The following VCAN variants were observed in gnomAD, a reference collection of about 807,000 sequenced individuals.
VCAN encodes versican core protein.
Under a neutral mutation model 245.5 loss-of-function variants are expected in VCAN, and 44 were observed. The ratio of observed to expected loss-of-function variants is 0.18; its 90% CI spans 0.14 to 0.23. VCAN has a LOEUF of 0.23. Ranked by LOEUF, VCAN falls within the 10% of genes least tolerant of loss-of-function variation. VCAN has a pLI of 1.00. For missense variants in VCAN, 3,793 were observed against 4,057.9 expected (o/e 0.93, Z 1.77); for synonymous variants, 1,413 against 1,437.0 (o/e 0.98, Z 0.38).
intron 1 of VCAN, among the ~76,000 whole-genome samples, chr5:83,477,018 T>G (rs1053665628): frequency 6.6e-6 from 1 of 152,190 alleles, no homozygotes; most frequent in African/African-American, 2.4e-5. Flanking sequence ...TTGATATTAC[T>G]TGAGGTATAG....
intron 13 of VCAN, among the ~76,000 whole-genome samples, chr5:83,575,941 C>A (rs1283676990): frequency 6.6e-6 from 1 of 152,096 alleles, no homozygotes; most frequent in Non-Finnish European, 1.5e-5. Flanking sequence ...GCAGTCAATT[C>A]TTTACTAATC....
intron 12 of VCAN, chr5:83,561,982 A>T (rs981605294): frequency 6.6e-6 from 1 of 152,158 alleles, no homozygotes; most frequent in African/African-American, 2.4e-5. Context: ...CAGAAAAACA[A>T]TGCAAAACAC....
chr5:83,543,389 T>G (rs1404966102), intron 8 of VCAN, among the ~76,000 whole-genome samples: 1 of 152,230 alleles, frequency 6.6e-6, no homozygotes, highest in East Asian at 1.9e-4. Context: ...GAATATATGT[T>G]TTATTTTAAT....
intron 1 of VCAN, among the ~76,000 whole-genome samples, chr5:83,474,049 C>T (rs1464637269): frequency 6.6e-6 from 1 of 152,104 alleles, no homozygotes; most frequent in Non-Finnish European, 1.5e-5. Flanking sequence ...CCCTGGGCGT[C>T]TTTAAGAAAG....
rs1399801991 is a variant in VCAN, at chr5:83,539,248, G to A, written c.6245G>A (p.Gly2082Asp). 1.7e-5 allele frequency: 28 copies of A among 1,613,862 alleles called. No homozygotes were observed. Among genetic ancestry groups the A allele is most frequent in the Non-Finnish European group, 2.4e-5 (28 of 1,179,968 alleles). ...PVEKEEVKVS[G>D]TVSTNFPQTI... ...GAGAAGGAGGAAGTAAAGGTCAGTG[G>A]CACAGTTTCAACAAACTTTCCCCAA... The change falls in exon 8 of 15, where the codon GGC (glycine) becomes GAC (aspartate). Residue 2082 changes from glycine to aspartate, a missense_variant. Physicochemically the swap from Gly to Asp is moderately conservative, Grantham distance 94. Coordinates refer to ENST00000265077, the MANE Select transcript of VCAN (RefSeq NM_004385.5).
intron 5 of VCAN, among the ~76,000 whole-genome samples, chr5:83,510,287 C>T (rs192759784): frequency 1.7e-4 from 26 of 152,258 alleles, no homozygotes; most frequent in South Asian, 1.0e-3. Flanking sequence ...TGAGAAAAGC[C>T]GATATGTGTG....
chr5:83,475,183 C>A (rs1744343035), intron 1 of VCAN, among the ~76,000 whole-genome samples: 1 of 152,144 alleles, frequency 6.6e-6, no homozygotes, highest in African/African-American at 2.4e-5. Flanking sequence ...TCCTGTGCCT[C>A]AATGAGGAAC....
At chr5:83,530,640 A>G (rs1351372000) in intron 7 of VCAN, among the ~76,000 whole-genome samples, 1 of 152,180 alleles carries the variant, frequency 6.6e-6, no homozygotes, top group East Asian at 1.9e-4. Context: ...AAAATGTATA[A>G]CATTACTTTT....
At chr5:83,497,777 G>T (rs1745205858) in intron 5 of VCAN, among the ~76,000 whole-genome samples, 2 of 152,238 alleles carry the variant, frequency 1.3e-5, no homozygotes, top group East Asian at 3.9e-4. Flanking sequence ...ATTAGGTAAA[G>T]GATCGGAATT....
Position 83,519,694 on chromosome 5 carries a change from C to A in VCAN, c.1388C>A (p.Thr463Lys), listed in dbSNP as rs1396038501. The change falls in exon 7 of 15, where the codon ACA (threonine) becomes AAA (lysine). Residue 463 changes from threonine (T) to lysine (K), a missense_variant. Coordinates refer to ENST00000265077, the MANE Select transcript of VCAN (RefSeq NM_004385.5). ...ATTAAGGAAGAAGTGCTCCAGAGTA[C>A]AACTGGCGTCTCTCATTATGCTACG... The part of the protein sequence containing the change: ...SEIKEEVLQS[T>K]TGVSHYATDS... The A allele has an allele frequency of 2.5e-6, 4 of 1,614,006 alleles. No homozygotes were observed. The highest frequency in any genetic ancestry group is 3.4e-6 in the Non-Finnish European group (4 of 1,179,992).
chr5:83,498,783 C>T (rs1745242618), intron 5 of VCAN, among the ~76,000 whole-genome samples: 1 of 152,148 alleles, frequency 6.6e-6, no homozygotes, highest in Non-Finnish European at 1.5e-5. Context: ...TTTTGGTTGT[C>T]ACAAATAGTC....
At chr5:83,562,661 CAAA>C (rs4033003) in intron 12 of VCAN, among the ~76,000 whole-genome samples, 32 of 149,496 alleles carry the variant, frequency 2.1e-4, no homozygotes, top group East Asian at 3.9e-4. Context: ...TGGAAAAGGC[CAAA>C]AAAAAAAAAT....
chr5:83,575,392 A>G (rs931141288), intron 13 of VCAN, among the ~76,000 whole-genome samples: 5 of 151,858 alleles, frequency 3.3e-5, no homozygotes, highest in Admixed American at 6.6e-5. Context: ...AGTATTTTCT[A>G]TTTTTCTTTT....
At chr5:83,570,489 T>A (rs576490809) in intron 12 of VCAN, among the ~76,000 whole-genome samples, 3 of 152,200 alleles carry the variant, frequency 2.0e-5, no homozygotes, top group East Asian at 3.8e-4. Flanking sequence ...AAATTTTTTT[T>A]ACCATATTTA....
intron 13 of VCAN, among the ~76,000 whole-genome samples, chr5:83,579,474 A>T (rs1043466600): frequency 1.3e-5 from 2 of 152,134 alleles, no homozygotes; most frequent in African/African-American, 4.8e-5. Context: ...CATGTTGGCC[A>T]GGATGGTCTT....
rs538546820 is a variant in VCAN at position 83,472,267 on chromosome 5, T to G, written c.-7+244T>G. On this transcript the variant is annotated intron_variant, in intron 1 of 14. Transcript: ENST00000265077. ...AGATTCAGACAAAAGAAACCCAGGG[T>G]GGGGTGGGGGGTAAAATGACTAACG... Among the ~76,000 whole-genome samples, 67 of 65,644 alleles carry G rather than the reference T, an allele frequency of 1.0e-3. No homozygotes were observed. In the South Asian group the frequency reaches 0.016, roughly 16 times the overall value. 43.1% of individuals were successfully genotyped at this position (65,644 alleles called of 152,430 possible).
rs781015648 is a variant in VCAN, at chr5:83,519,568, C to G, written c.1262C>G (p.Thr421Ser). Residue 421 changes from threonine to serine, a missense_variant, in exon 7 of 15, where the codon ACC becomes AGC. Around this residue, in one of 5 missense-constraint regions of VCAN, gnomAD observed 3,182 missense variants for 3,250.3 expected, o/e 0.98. Coordinates refer to ENST00000265077, the MANE Select transcript of VCAN (RefSeq NM_004385.5). ...CAGGCTATCACAGATAGTTTAGCCA[C>G]CAAATTACCCACACCTACTGGCAGT... is the stretch of plus-strand genomic sequence containing the variant. ...QPQAITDSLATKLPTPTGSTK... is the reference protein window; with the variant it reads ...QPQAITDSLASKLPTPTGSTK... 1.5e-5 allele frequency: 25 copies of G among 1,614,014 alleles called. No homozygotes were observed. The Admixed American group carries it at 4.2e-4, about 27-fold the overall frequency.
At chr5:83,508,300 G>T (rs1745541000) in intron 5 of VCAN, among the ~76,000 whole-genome samples, 1 of 152,192 alleles carries the variant, frequency 6.6e-6, no homozygotes, top group African/African-American at 2.4e-5. Flanking sequence ...TAAGTTAATT[G>T]AGAGTCCTCT....
At position 83,521,676 on chromosome 5, in the gene VCAN, C is replaced by T; in HGVS notation, c.3370C>T (p.Pro1124Ser). 2 of 1,613,870 alleles carry T rather than the reference C, an allele frequency of 1.2e-6. No individual in the cohort carries two copies. Among genetic ancestry groups the T allele is most frequent in the Non-Finnish European group, 1.7e-6 (2 of 1,180,010 alleles). The change falls in exon 7 of 15, where the codon CCA (proline) becomes TCA (serine). Residue 1124 changes from proline (P) to serine (S), a missense_variant. Physicochemically the swap from Pro to Ser is moderately conservative, Grantham distance 74. This residue lies in a region of VCAN where 3,182 missense variants were observed against 3,250.3 expected (regional missense o/e 0.98). Transcript: ENST00000265077. Reference sequence around the variant, plus strand: ...AACAGATGAAGTGGTAACACTAACACCACGCATTGGGCCAAAAGTATCTTT... The same window carrying T: ...AACAGATGAAGTGGTAACACTAACATCACGCATTGGGCCAAAAGTATCTTT... Reference protein sequence around the residue: ...VKTDEVVTLTPRIGPKVSLSP... With the variant: ...VKTDEVVTLTSRIGPKVSLSP...
Sources: gnomAD v4.1 joint callset for allele counts (sites outside exome capture counted in the v4.1 genomes callset) on GRCh38, gnomAD v4.1.1 for gene constraint, gnomAD v4.1.1 regional missense constraint, MANE v1.5 for transcripts, NCBI Gene and HGNC (gene_info 2026-07-23, HGNC 2026-07-21) for gene names.